KCTD20: variants seen among roughly 807,000 people sequenced by gnomAD.
KCTD20 encodes BTB/POZ domain-containing protein KCTD20.
In KCTD20, 30 loss-of-function variants were observed where a neutral mutation model predicts 39.6. The observed-to-expected ratio is 0.76, with a 90% CI of 0.57 to 1.03. KCTD20 has a LOEUF of 1.03. Ranked by LOEUF, KCTD20 falls within the 50% of genes least tolerant of loss-of-function variation. The pLI is 0.00. For missense variants in KCTD20, 422 were observed against 522.0 expected (o/e 0.81, Z 1.87); for synonymous variants, 162 against 180.6 (o/e 0.90, Z 0.83).
At position 36,489,383 on chromosome 6, in the gene KCTD20, C is replaced by A. The variant is rs1776519255; in HGVS notation, c.*2208C>A. Reference sequence around the variant, plus strand: ...GCTTTCAAGATTGAGTCTTTTTTCCCCCAAATTAGGTTAACATGCATTTGA... The same window carrying A: ...GCTTTCAAGATTGAGTCTTTTTTCCACCAAATTAGGTTAACATGCATTTGA... On this transcript the variant is annotated 3_prime_UTR_variant, in exon 8 of 8. Coordinates refer to ENST00000373731, the MANE Select transcript of KCTD20 (RefSeq NM_173562.5). 1 of 152,118 alleles carries A rather than the reference C, an allele frequency of 6.6e-6. No homozygotes were observed. Among genetic ancestry groups the A allele is most frequent in the African/African-American group, 2.4e-5 (1 of 41,408 alleles). The allele number at this position is 152,118 out of a possible 1,614,324, so 9.4% of individuals were successfully genotyped here.
intron 1 of KCTD20, among the ~76,000 whole-genome samples, chr6:36,456,781 CT>C (rs927797554): frequency 6.6e-6 from 1 of 151,862 alleles, no homozygotes; most frequent in African/African-American, 2.4e-5. Flanking sequence ...CCTGTGGAGC[CT>C]GTAACCCACT....
intron 7 of KCTD20, 105 bp from the exon 8 acceptor site, chr6:36,486,778 A>T: frequency 1.1e-6 from 1 of 898,570 alleles, no homozygotes; most frequent in East Asian, 2.4e-5. Flanking sequence ...CATATTTTCC[A>T]TGCTGTGATT....
chr6:36,474,789 A>G lies in KCTD20; in HGVS notation c.161A>G (p.Asp54Gly). 6.3e-7 allele frequency: 1 copy of G among 1,595,340 alleles called. No homozygotes were observed. The highest frequency in any genetic ancestry group is 8.6e-7 in the Non-Finnish European group (1 of 1,169,472). ...LTYPLGPRNEDLSLDYASQPA... is the reference protein window; with the variant it reads ...LTYPLGPRNEGLSLDYASQPA... ...TTGGTTTCTTTGTATGTTCTTTTAG[A>G]CCTCTCACTTGACTATGCCTCTCAG... is the stretch of plus-strand genomic sequence containing the variant. Residue 54 changes from aspartate to glycine, a missense_variant and splice_region_variant, in exon 3 of 8, where the codon GAC (aspartate) becomes GGC (glycine). Transcript: ENST00000373731.
chr6:36,480,942 A>T (rs1473423251), intron 5 of KCTD20, among the ~76,000 whole-genome samples: 1 of 152,208 alleles, frequency 6.6e-6, no homozygotes, highest in Non-Finnish European at 1.5e-5. Context: ...TGATAACCTC[A>T]TTTAAGAAAT....
chr6:36,483,487 C>T (rs1172660381), intron 6 of KCTD20, among the ~76,000 whole-genome samples: 1 of 152,062 alleles, frequency 6.6e-6, no homozygotes, highest in Non-Finnish European at 1.5e-5. Context: ...GCTGGGATTG[C>T]AGGCACCATG....
chr6:36,453,054 C>A (rs1775314739), intron 1 of KCTD20, among the ~76,000 whole-genome samples: 1 of 128,516 alleles, frequency 7.8e-6, no homozygotes, highest in Admixed American at 9.5e-5. Context: ...GTTGCCCTGG[C>A]TGGAGTGCAG....
chr6:36,474,808 C>G lies in KCTD20; in HGVS notation c.180C>G (p.Ala60=). 1 of 1,611,584 alleles carries G rather than the reference C, an allele frequency of 6.2e-7. No individual in the cohort carries two copies. ...TTTTAGACCTCTCACTTGACTATGC[C>G]TCTCAGCCAGCAAATCTTCAGTTCC... ...PRNEDLSLDY[A]SQPANLQFPH... The change falls in exon 3 of 8, where the codon GCC becomes GCG. Residue 60 remains alanine (A), a synonymous_variant. Transcript: ENST00000373731.
intron 1 of KCTD20, among the ~76,000 whole-genome samples, chr6:36,463,937 G>A (rs981987683): frequency 2.6e-5 from 4 of 152,144 alleles, no homozygotes; most frequent in African/African-American, 9.7e-5. Flanking sequence ...TTTTTTATGA[G>A]TCTTCAACTT....
At chr6:36,468,754 G>C (rs949939218) in intron 1 of KCTD20, among the ~76,000 whole-genome samples, 1 of 152,146 alleles carries the variant, frequency 6.6e-6, no homozygotes, top group Non-Finnish European at 1.5e-5. Flanking sequence ...TCACATTGAA[G>C]GTTTTCTATC....
chr6:36,445,996 G>T (rs1424908614), intron 1 of KCTD20, among the ~76,000 whole-genome samples: 1 of 147,134 alleles, frequency 6.8e-6, no homozygotes, highest in Non-Finnish European at 1.5e-5. Context: ...TAGCTATCTT[G>T]TAAAGCCCCA....
chr6:36,446,335 A>G (rs1288613616), intron 1 of KCTD20, among the ~76,000 whole-genome samples: 1 of 152,040 alleles, frequency 6.6e-6, no homozygotes, highest in Admixed American at 6.6e-5. Context: ...GCCTGAACTC[A>G]GTATTTTTAA....
intron 1 of KCTD20, among the ~76,000 whole-genome samples, chr6:36,459,310 C>CA (rs1043006753): frequency 1.4e-4 from 21 of 149,958 alleles, no homozygotes; most frequent in Non-Finnish European, 2.2e-4. Context: ...GACTCCGTCT[C>CA]AAAAAAAAAG....
At chr6:36,470,344 C>G in intron 2 of KCTD20, 87 bp downstream of exon 2, 1 of 1,254,998 alleles carries the variant, frequency 8.0e-7, no homozygotes, top group East Asian at 2.4e-5. Context: ...TGTTTTTAAT[C>G]TAAATAAATT....
At position 36,488,496 on chromosome 6, in the gene KCTD20, T is replaced by C. The variant is rs1208027240; in HGVS notation, c.*1321T>C. On this transcript the variant is annotated 3_prime_UTR_variant, in exon 8 of 8. Coordinates refer to ENST00000373731, the MANE Select transcript of KCTD20 (RefSeq NM_173562.5). ...GCCAGATATAAGTATTTTGGAATTA[T>C]CTCCCAGTTTGTGGTAGAAGCTGAC... is the stretch of plus-strand genomic sequence containing the variant. 2.6e-5 allele frequency: 4 copies of C among 152,212 alleles called. No individual in the cohort carries two copies. Among genetic ancestry groups the C allele is most frequent in the African/African-American group, 9.6e-5 (4 of 41,454 alleles). The allele number at this position is 152,212 out of a possible 1,614,324, so 9.4% of individuals were successfully genotyped here.
Position 36,490,996 on chromosome 6 carries a change from A to G in KCTD20, c.*3821A>G, listed in dbSNP as rs1370186425. On this transcript the variant is annotated 3_prime_UTR_variant, in exon 8 of 8. Transcript: ENST00000373731. ...CTGGGTGGGATCACTAGTGCAGGAG[A>G]ACATTACATTTTCTTCTGAAGGCAA... The G allele has an allele frequency of 6.6e-6, 1 of 152,210 alleles. No homozygotes were observed. Among genetic ancestry groups the G allele is most frequent in the African/African-American group, 2.4e-5 (1 of 41,444 alleles). 9.4% of individuals were successfully genotyped at this position (152,210 alleles called of 1,614,324 possible).
chr6:36,481,622 A>G lies in KCTD20; in HGVS notation c.719A>G (p.Glu240Gly). Residue 240 changes from glutamate to glycine, a missense_variant, in exon 6 of 8, where the codon GAA (glutamate) becomes GGA (glycine). Transcript: ENST00000373731. Reference protein sequence around the residue: ...GAHKQFDHYLEELILPIMVGC... With the variant: ...GAHKQFDHYLGELILPIMVGC... ...CATAAGCAGTTTGATCACTACCTCG[A>G]AGAGCTCATCTTGCCCATCATGGTG... 6.2e-7 allele frequency: 1 copy of G among 1,614,244 alleles called. No homozygotes were observed. The highest frequency in any genetic ancestry group is 8.5e-7 in the Non-Finnish European group (1 of 1,180,044).
chr6:36,448,443 T>G (rs1459847434), intron 1 of KCTD20, among the ~76,000 whole-genome samples: 1 of 152,208 alleles, frequency 6.6e-6, no homozygotes, highest in Non-Finnish European at 1.5e-5. Flanking sequence ...TATCTTAAAA[T>G]TATCTAAGAC....
chr6:36,448,970 T>C (rs1487334673), intron 1 of KCTD20, among the ~76,000 whole-genome samples: 1 of 152,046 alleles, frequency 6.6e-6, no homozygotes, highest in Non-Finnish European at 1.5e-5. Flanking sequence ...TCCCGGTGGG[T>C]TCGTGGTCTT....
intron 1 of KCTD20, among the ~76,000 whole-genome samples, chr6:36,450,308 C>T (rs190523257): frequency 2.8e-4 from 43 of 151,200 alleles, no homozygotes; most frequent in African/African-American, 7.5e-4. Flanking sequence ...GCCAACATGA[C>T]GAAACCCTGT....
Sources: gnomAD v4.1 joint callset for allele counts (sites outside exome capture counted in the v4.1 genomes callset) on GRCh38, gnomAD v4.1.1 for gene constraint, MANE v1.5 for transcripts, NCBI Gene and HGNC (gene_info 2026-07-23, HGNC 2026-07-21) for gene names.